The following RPE variants were observed in gnomAD, a reference collection of about 807,000 sequenced individuals.
The protein encoded by RPE is ribulose-5-phosphate-3-epimerase, also known as ribulose-phosphate 3-epimerase.
A neutral mutation model predicts 24.6 loss-of-function variants in RPE; 16 were observed. That is an observed-to-expected ratio of 0.65 (90% CI 0.44 to 0.99). The LOEUF (loss-of-function observed/expected upper bound fraction) is 0.99. RPE is among the 50% of genes least tolerant of loss of function. RPE has a pLI of 0.00. For missense variants in RPE, 240 were observed against 294.5 expected (o/e 0.81, Z 1.35); for synonymous variants, 93 against 98.4 (o/e 0.94, Z 0.33).
intron 5 of RPE, chr2:210,018,560 G>C (rs2093811458): frequency 1.0e-6 from 1 of 985,112 alleles, no homozygotes; most frequent in South Asian, 4.7e-5. Context: ...GTTTCTGCTT[G>C]ATATATACCT....
intron 2 of RPE, 91 bp downstream of exon 2, chr2:210,009,827 A>T (rs878863135): frequency 1.9e-6 from 3 of 1,555,564 alleles, no homozygotes; most frequent in South Asian, 1.1e-5. Context: ...TTCATCTGGC[A>T]CCCTTTCCCC....
chr2:210,022,090 A>T lies in RPE; in HGVS notation c.*2299A>T, dbSNP rs1432481875. 6.6e-6 allele frequency: 1 copy of T among 151,130 alleles called. No homozygotes were observed. Among genetic ancestry groups the T allele is most frequent in the Non-Finnish European group, 1.5e-5 (1 of 67,818 alleles). 9.4% of individuals were successfully genotyped at this position (151,130 alleles called of 1,614,324 possible). A position where few individuals can be genotyped will look rare whatever the true frequency, so the allele number is the denominator to read the frequency against. Reference sequence around the variant, plus strand: ...CTGGTGTCTTCTCTTCATGAGACACATTAATTGGTAAAACTCAAATTGAGT... The same window carrying T: ...CTGGTGTCTTCTCTTCATGAGACACTTTAATTGGTAAAACTCAAATTGAGT... On this transcript the variant is annotated 3_prime_UTR_variant, in exon 6 of 6. Coordinates refer to ENST00000359429, the MANE Select transcript of RPE (RefSeq NM_199229.3).
rs771516786 is a variant in RPE at position 210,009,657 on chromosome 2, G to A, written c.123G>A (p.Gly41=). Residue 41 remains glycine (G), a splice_region_variant and synonymous_variant, in exon 2 of 6, where the codon GGG becomes GGA. Transcript: ENST00000359429. ...AGAGTAGATTTTGTTTGTCTTGTAG[G>A]CATTTTGTTCCCAACATCACCTTTG... The part of the protein sequence containing the change: ...ADYLHLDVMD[G]HFVPNITFGH... The A allele has an allele frequency of 3.7e-6, 6 of 1,614,106 alleles. No individual in the cohort carries two copies. The highest frequency in any genetic ancestry group is 5.1e-6 in the Non-Finnish European group (6 of 1,180,000).
intron 1 of RPE, among the ~76,000 whole-genome samples, chr2:210,005,094 C>T (rs2093612464): frequency 6.6e-6 from 1 of 152,180 alleles, no homozygotes; most frequent in South Asian, 2.1e-4. Flanking sequence ...TGATGTCTCA[C>T]CAGATTCAGC....
intron 5 of RPE, chr2:210,017,835 G>A (rs182098801): frequency 8.8e-6 from 5 of 568,862 alleles, no homozygotes; most frequent in African/African-American, 6.0e-5. Flanking sequence ...ATCTCTGCCT[G>A]CCGGGTTCAA....
In RPE at chr2:210,015,831, T is replaced by C. The variant is rs2093763665; in HGVS notation, c.203-142T>C. The C allele has an allele frequency of 5.2e-6, 4 of 762,684 alleles. No homozygotes were observed. The South Asian group carries it at 6.1e-5, about 12-fold the overall frequency. 47.2% of individuals were successfully genotyped at this position (762,684 alleles called of 1,614,324 possible). ...CAAAATAAGAGGAAACTACCTATACTGAATTAGAACTATTTAAATAATGAT... is the reference window on the plus strand; with the variant it reads ...CAAAATAAGAGGAAACTACCTATACCGAATTAGAACTATTTAAATAATGAT... On this transcript the variant is annotated intron_variant, in intron 2 of 5. Transcript: ENST00000359429.
chr2:210,009,373 T>G (rs560028466), intron 1 of RPE, among the ~76,000 whole-genome samples: 1 of 152,298 alleles, frequency 6.6e-6, no homozygotes, highest in African/African-American at 2.4e-5. Context: ...GCCTGAGGGT[T>G]TCTGATTTTA....
At chr2:210,012,801 A>G (rs986758486) in intron 2 of RPE, among the ~76,000 whole-genome samples, 12 of 152,262 alleles carry the variant, frequency 7.9e-5, no homozygotes, top group African/African-American at 2.9e-4. Flanking sequence ...TGGGTTTGAT[A>G]GCGTCCCAAC....
intron 1 of RPE, chr2:210,003,428 T>G (rs1474928482): frequency 3.1e-6 from 4 of 1,285,816 alleles, no homozygotes; most frequent in Non-Finnish European, 4.1e-6. Context: ...CCTGTCTATT[T>G]TCTCTTCAGG....
At chr2:210,019,500 T>A (rs898396048) in intron 5 of RPE, among the ~76,000 whole-genome samples, 169 bp from the exon 6 acceptor site, 2 of 152,212 alleles carry the variant, frequency 1.3e-5, no homozygotes, top group Non-Finnish European at 2.9e-5. Context: ...GTGAACATTT[T>A]AAATTTTTCT....
At position 210,019,940 on chromosome 2, in the gene RPE, A is replaced by T; in HGVS notation, c.*149A>T. The T allele has an allele frequency of 9.4e-7, 1 of 1,063,848 alleles. No individual in the cohort carries two copies. The highest frequency in any genetic ancestry group is 1.3e-6 in the Non-Finnish European group (1 of 771,948). The allele number at this position is 1,063,848 out of a possible 1,614,324, so 65.9% of individuals were successfully genotyped here. ...GTGATTAAAACTGATTGTGCAGAAT[A>T]TTCTAAGAGGTCAGAAATTGGTGTG... On this transcript the variant is annotated 3_prime_UTR_variant, in exon 6 of 6. Coordinates refer to ENST00000359429, the MANE Select transcript of RPE (RefSeq NM_199229.3).
In RPE at chr2:210,020,634, C is replaced by T. The variant is rs914434953; in HGVS notation, c.*843C>T. Reference sequence around the variant, plus strand: ...TTCTGTTGAGAATTAAGAGCTAACACTATATATGTAAAGTTTCCAGTACTA... The same window carrying T: ...TTCTGTTGAGAATTAAGAGCTAACATTATATATGTAAAGTTTCCAGTACTA... On this transcript the variant is annotated 3_prime_UTR_variant, in exon 6 of 6. Coordinates refer to ENST00000359429, the MANE Select transcript of RPE (RefSeq NM_199229.3). 6.0e-6 allele frequency: 1 copy of T among 166,736 alleles called. No individual in the cohort carries two copies. Among genetic ancestry groups the T allele is most frequent in the South Asian group, 2.1e-4 (1 of 4,832 alleles). The allele number at this position is 166,736 out of a possible 1,614,324, so 10.3% of individuals were successfully genotyped here.
intron 1 of RPE, among the ~76,000 whole-genome samples, chr2:210,007,709 A>C (rs1465311781): frequency 6.6e-6 from 1 of 152,164 alleles, no homozygotes; most frequent in Non-Finnish European, 1.5e-5. Context: ...ACGTTCTCTA[A>C]TACTTGCTCT....
intron 2 of RPE, among the ~76,000 whole-genome samples, chr2:210,011,317 A>G (rs2093696375): frequency 6.6e-6 from 1 of 152,186 alleles, no homozygotes; most frequent in Non-Finnish European, 1.5e-5. Context: ...GAGGTAGATG[A>G]AATAAATAGC....
chr2:210,009,584 C>G, intron 1 of RPE, 73 bp from the exon 2 acceptor site: 2 of 1,570,208 alleles, frequency 1.3e-6, no homozygotes, highest in East Asian at 4.5e-5. Context: ...CAACCTGTGT[C>G]AGAATTCATA....
chr2:210,019,724 G>A lies in RPE; in HGVS notation c.620G>A (p.Arg207Lys). Residue 207 changes from arginine to lysine, a missense_variant, in exon 6 of 6, where the codon AGA (arginine) becomes AAA (lysine). Transcript: ENST00000359429. Reference protein sequence around the residue: ...GSAIMRSEDPRSVINLLRNVC... With the variant: ...GSAIMRSEDPKSVINLLRNVC... The stretch of plus-strand genomic sequence containing the variant: ...GCTATTATGAGGAGTGAAGACCCCA[G>A]ATCTGTGATCAATCTATTAAGAAAT... 6.2e-7 allele frequency: 1 copy of A among 1,613,564 alleles called. No individual in the cohort carries two copies. The highest frequency in any genetic ancestry group is 1.1e-5 in the South Asian group (1 of 91,054).
intron 5 of RPE, chr2:210,018,257 G>A (rs1054853428): frequency 1.8e-5 from 27 of 1,511,324 alleles, no homozygotes; most frequent in Non-Finnish European, 2.0e-5. Context: ...AAATCTAATT[G>A]ACCTAATTAT....
At position 210,019,867 on chromosome 2, in the gene RPE, A is replaced by G. The variant is rs2093835547; in HGVS notation, c.*76A>G. Reference sequence around the variant, plus strand: ...AAACAGGAATATTGACTACCAAATCACAATGCAATTGAAGCCGTACTGCTT... The same window carrying G: ...AAACAGGAATATTGACTACCAAATCGCAATGCAATTGAAGCCGTACTGCTT... On this transcript the variant is annotated 3_prime_UTR_variant, in exon 6 of 6. Coordinates refer to ENST00000359429, the MANE Select transcript of RPE (RefSeq NM_199229.3). The G allele has an allele frequency of 6.6e-7, 1 of 1,519,678 alleles. No homozygotes were observed. The highest frequency in any genetic ancestry group is 2.1e-5 in the Admixed American group (1 of 47,764). 94.1% of individuals were successfully genotyped at this position (1,519,678 alleles called of 1,614,324 possible).
At chr2:210,011,967 T>A (rs1363249489) in intron 2 of RPE, among the ~76,000 whole-genome samples, 1 of 151,894 alleles carries the variant, frequency 6.6e-6, no homozygotes, top group Non-Finnish European at 1.5e-5. Flanking sequence ...TAGGTGTAAG[T>A]CACTGAGCCC....
Sources: gnomAD v4.1 joint callset for allele counts (sites outside exome capture counted in the v4.1 genomes callset) on GRCh38, gnomAD v4.1.1 for gene constraint, MANE v1.5 for transcripts, NCBI Gene and HGNC (gene_info 2026-07-23, HGNC 2026-07-21) for gene names.